Variants in SUMF1 observed in about 807,000 individuals in gnomAD.
The protein encoded by SUMF1 is formylglycine-generating enzyme.
Under a neutral mutation model 47.6 loss-of-function variants are expected in SUMF1, and 48 were observed. That is an observed-to-expected ratio of 1.01 (90% CI 0.80 to 1.28). The LOEUF is 1.28. Among genes scored for constraint, SUMF1 ranks in the 50% most tolerant of loss-of-function variants. SUMF1 has a pLI of 0.00. For missense variants in SUMF1, 571 were observed against 485.4 expected (o/e 1.18, Z -1.66); for synonymous variants, 230 against 192.1 (o/e 1.20, Z -1.63).
At chr3:4,418,820 T>C (rs974138513) in intron 4 of SUMF1, among the ~76,000 whole-genome samples, 3 of 152,000 alleles carry the variant, frequency 2.0e-5, no homozygotes, top group Non-Finnish European at 4.4e-5. Flanking sequence ...TTCCTGAGGG[T>C]ATAAAGGGTG....
In SUMF1 at chr3:4,376,373, CCAGAAGGGGGACCTTTCTA is replaced by C. The variant is rs1342765447; in HGVS notation, c.955-3_970del. The C allele has an allele frequency of 6.2e-7, 1 of 1,614,034 alleles. No homozygotes were observed. Among genetic ancestry groups the C allele is most frequent in the African/African-American group, 1.3e-5 (1 of 74,926 alleles). ...TCCACCTTTCTTCACTCGGTCTTTCCCAGAAGGGGGACCTTTCTACAGATGAAGAAAAAAGGCTATGTTA... is the reference window on the plus strand; with the variant it reads ...TCCACCTTTCTTCACTCGGTCTTTCCCAGATGAAGAAAAAAGGCTATGTTA... On this transcript the variant is annotated splice_acceptor_variant and splice_polypyrimidine_tract_variant and coding_sequence_variant and intron_variant, in exon 8 of 9. Coordinates refer to ENST00000272902, the MANE Select transcript of SUMF1 (RefSeq NM_182760.4). LOFTEE classifies it high-confidence loss of function.
chr3:4,310,660 T>A (rs898183943), intron 8 of SUMF1, among the ~76,000 whole-genome samples: 4 of 152,218 alleles, frequency 2.6e-5, no homozygotes, highest in Admixed American at 1.3e-4. Context: ...AAATATATCA[T>A]GAGATTCTTC....
intron 7 of SUMF1, among the ~76,000 whole-genome samples, chr3:4,382,771 G>A (rs1700547363): frequency 1.3e-5 from 2 of 152,076 alleles, no homozygotes; most frequent in South Asian, 4.1e-4. Context: ...TCCTTTGCAG[G>A]GACATGGATG....
chr3:4,038,518 G>C (rs1458041972), intron 9 of SUMF1, among the ~76,000 whole-genome samples: 1 of 152,170 alleles, frequency 6.6e-6, no homozygotes, highest in African/African-American at 2.4e-5. Context: ...GATAAATGTG[G>C]ACTCCCAGCT....
chr3:4,166,190 T>C (rs1227881898), intron 8 of SUMF1, among the ~76,000 whole-genome samples: 1 of 152,150 alleles, frequency 6.6e-6, no homozygotes, highest in Non-Finnish European at 1.5e-5. Flanking sequence ...TCTCAAAACC[T>C]GTTAGAGTCC....
intron 8 of SUMF1, among the ~76,000 whole-genome samples, chr3:4,109,817 G>A (rs1002474822): frequency 2.0e-5 from 3 of 151,990 alleles, no homozygotes; most frequent in Non-Finnish European, 2.9e-5. Flanking sequence ...ATTCTAGTTC[G>A]CCATTCATCT....
intron 8 of SUMF1, among the ~76,000 whole-genome samples, chr3:4,070,328 T>C (rs887938674): frequency 2.0e-4 from 31 of 152,198 alleles, no homozygotes; most frequent in Non-Finnish European, 1.0e-4. Context: ...CACTCAAATT[T>C]GGCTCAGAAT....
chr3:4,421,078 C>G (rs1172167921), intron 3 of SUMF1, among the ~76,000 whole-genome samples: 3 of 152,204 alleles, frequency 2.0e-5, no homozygotes, highest in Non-Finnish European at 4.4e-5. Flanking sequence ...AGAACCTTAA[C>G]TCCTACTTTA....
chr3:4,298,461 A>T lies in SUMF1; in HGVS notation c.1014+77869T>A, dbSNP rs181060357. 9.6e-4 allele frequency among the ~76,000 whole-genome samples: 146 copies of T among 152,338 alleles called. 1 individual carries two copies. Among genetic ancestry groups the T allele is most frequent in the African/African-American group, 3.4e-3 (143 of 41,562 alleles). ...AGGGCCAGCATGCACAAAATATCTTATTCTGGAAGCACCACTGCTGACAGC... is the reference window on the plus strand; with the variant it reads ...AGGGCCAGCATGCACAAAATATCTTTTTCTGGAAGCACCACTGCTGACAGC... On this transcript the variant is annotated intron_variant and NMD_transcript_variant, in intron 8 of 12. Transcript: ENST00000448413.
intron 8 of SUMF1, among the ~76,000 whole-genome samples, chr3:4,084,447 T>C (rs1163834999): frequency 6.6e-6 from 1 of 152,148 alleles, no homozygotes; most frequent in Non-Finnish European, 1.5e-5. Flanking sequence ...GTGGAAATAA[T>C]TCACCTCTGC....
At chr3:4,203,956 GTTA>G (rs1223196621) in intron 8 of SUMF1, among the ~76,000 whole-genome samples, 3 of 145,792 alleles carry the variant, frequency 2.1e-5, no homozygotes, top group Non-Finnish European at 4.5e-5. Flanking sequence ...AGTTGTTGTA[GTTA>G]TTATTTTTGA....
chr3:4,261,251 G>A (rs1458715772), intron 8 of SUMF1, among the ~76,000 whole-genome samples: 2 of 152,200 alleles, frequency 1.3e-5, no homozygotes, highest in African/African-American at 2.4e-5. Context: ...CATGCAGAGA[G>A]AGAAGGGGAG....
intron 7 of SUMF1, among the ~76,000 whole-genome samples, chr3:4,402,294 A>G (rs1292774671): frequency 1.3e-5 from 2 of 152,134 alleles, no homozygotes; most frequent in Non-Finnish European, 2.9e-5. Flanking sequence ...TACCTCACCA[A>G]TTGCTGCCAT....
intron 8 of SUMF1, among the ~76,000 whole-genome samples, chr3:4,179,674 A>G (rs1272074922): frequency 6.6e-6 from 1 of 152,182 alleles, no homozygotes; most frequent in African/African-American, 2.4e-5. Flanking sequence ...AATGGCAACA[A>G]AAGCCAAAAT....
downstream of SUMF1, among the ~76,000 whole-genome samples, chr3:4,357,577 TTTTATTTA>T (rs58387595): frequency 0.19 from 26,567 of 138,632 alleles, 2,723 homozygotes; most frequent in African/African-American, 0.26. Context: ...CCCAACCAAC[TTTTATTTA>T]TTTATTTATT....
intron 8 of SUMF1, among the ~76,000 whole-genome samples, chr3:4,258,058 T>C (rs1696996014): frequency 6.6e-6 from 1 of 151,590 alleles, no homozygotes; most frequent in South Asian, 2.1e-4. Context: ...TGGCTAGCCA[T>C]ATGCAGAAAG....
At chr3:4,092,531 TAAGTG>T (rs1692810137) in intron 8 of SUMF1, among the ~76,000 whole-genome samples, 1 of 152,180 alleles carries the variant, frequency 6.6e-6, no homozygotes, top group African/African-American at 2.4e-5. Context: ...AAGCCTTTCC[TAAGTG>T]AAGAAAACTT....
At chr3:4,442,638 G>GAAAAAAAAAAAAAAAAAAAAAAAAAA (rs61296884) in intron 3 of SUMF1, among the ~76,000 whole-genome samples, 1 of 61,314 alleles carries the variant, frequency 1.6e-5, no homozygotes, top group Admixed American at 1.9e-4. Context: ...AGAGAAAAAG[G>GAAAAAAAAAAAAAAAAAAAAAAAAAA]AAAAAAAAAA....
At chr3:4,172,163 A>G (rs1694845736) in intron 8 of SUMF1, among the ~76,000 whole-genome samples, 1 of 152,196 alleles carries the variant, frequency 6.6e-6, no homozygotes, top group Admixed American at 6.5e-5. Flanking sequence ...GATTTCAAAT[A>G]TTTAGAAAAT....
Sources: allele counts gnomAD v4.1 joint callset (sites outside exome capture counted in the v4.1 genomes callset), GRCh38; gene constraint gnomAD v4.1.1; transcripts MANE v1.5; gene names NCBI Gene and HGNC (gene_info 2026-07-23, HGNC 2026-07-21).